Variants in BCAS3 observed in about 807,000 individuals in gnomAD.
The protein encoded by BCAS3 is BCAS3 microtubule associated cell migration factor, also known as BCAS4/BCAS3 fusion.
A neutral mutation model predicts 116.1 loss-of-function variants in BCAS3; 53 were observed. The observed-to-expected ratio is 0.46, with a 90% CI of 0.37 to 0.57. BCAS3 has a LOEUF of 0.57. Among genes scored for constraint, BCAS3 ranks in the 20% least tolerant of loss-of-function variants. BCAS3 has a pLI of 0.00. For missense variants in BCAS3, 917 were observed against 1,165.4 expected, an observed-to-expected ratio of 0.79 and a Z score of 3.10; for synonymous variants, 391 against 408.2, an observed-to-expected ratio of 0.96 and a Z score of 0.51.
At chr17:61,293,642 A>G (rs2052644854) in intron 22 of BCAS3, among the ~76,000 whole-genome samples, 1 of 152,206 alleles carries the variant, frequency 6.6e-6, no homozygotes, top group South Asian at 2.1e-4. Flanking sequence ...CTGTTGCCAT[A>G]TGACCAGGGA....
chr17:60,770,186 G>C (rs531078070), intron 6 of BCAS3, among the ~76,000 whole-genome samples: 2 of 151,988 alleles, frequency 1.3e-5, no homozygotes, highest in Non-Finnish European at 2.9e-5. Context: ...AGTCAGTTCC[G>C]TATGTTAGTC....
At chr17:60,928,461 C>T (rs1362441802) in intron 13 of BCAS3, among the ~76,000 whole-genome samples, 2 of 152,156 alleles carry the variant, frequency 1.3e-5, no homozygotes, top group Non-Finnish European at 2.9e-5. Context: ...AATGTGTTCT[C>T]ATTTCTGCAA....
chr17:61,185,393 T>A (rs1171792432), intron 22 of BCAS3, among the ~76,000 whole-genome samples: 1 of 152,164 alleles, frequency 6.6e-6, no homozygotes, highest in Non-Finnish European at 1.5e-5. Flanking sequence ...TAGTAATAAT[T>A]AAAATTTTTC....
At chr17:61,080,197 A>T (rs1001717900) in intron 21 of BCAS3, among the ~76,000 whole-genome samples, 2 of 151,898 alleles carry the variant, frequency 1.3e-5, no homozygotes, top group African/African-American at 4.8e-5. Context: ...GAGCCACTGC[A>T]CCTGGCCTCA....
chr17:61,032,096 T>G lies in BCAS3; in HGVS notation c.1638-2570T>G, dbSNP rs2066687408. ...TTGACGTCCTCTCATTTTTCTACTT[T>G]TTATTATCATGTTAGAAAGTTTGCC... On this transcript the variant is annotated intron_variant, in intron 16 of 23. Coordinates refer to ENST00000407086, the MANE Select transcript of BCAS3 (RefSeq NM_017679.5). The surrounding 1 kb of genome is among the most constrained non-coding windows in gnomAD (Gnocchi z 4.6). Among the ~76,000 whole-genome samples the G allele has an allele frequency of 6.6e-6, 1 of 152,174 alleles. No homozygotes were observed.
chr17:61,010,062 CTCTG>C (rs2065004524), intron 15 of BCAS3, among the ~76,000 whole-genome samples: 1 of 144,762 alleles, frequency 6.9e-6, no homozygotes, highest in Non-Finnish European at 1.5e-5. Flanking sequence ...AGTTTTCAGA[CTCTG>C]TCTTTTTTTT....
At position 61,346,834 on chromosome 17, in the gene BCAS3, G is replaced by A. The variant is rs2057528906; in HGVS notation, c.2426-21493G>A. Among the ~76,000 whole-genome samples the A allele has an allele frequency of 6.6e-6, 1 of 152,202 alleles. No homozygotes were observed. Among genetic ancestry groups the A allele is most frequent in the Non-Finnish European group, 1.5e-5 (1 of 68,040 alleles). ...ATGTGCTGTGGGGATGTGGTAGAGG[G>A]ACTGGTTCCTCATCCAGGGTGACTC... On this transcript the variant is annotated intron_variant, in intron 22 of 23. Coordinates refer to ENST00000407086, the MANE Select transcript of BCAS3 (RefSeq NM_017679.5). The surrounding 1 kb of genome is among the most constrained non-coding windows in gnomAD (Gnocchi z 5.4).
At position 61,343,072 on chromosome 17, in the gene BCAS3, G is replaced by A. The variant is rs146072569; in HGVS notation, c.2426-25255G>A. The stretch of plus-strand genomic sequence containing the variant: ...CAGCCGAGATTTTCTTTTAAAGGAA[G>A]GTGAGAGAGTAACTTCTTGGCCACC... On this transcript the variant is annotated intron_variant, in intron 22 of 23. Coordinates refer to ENST00000407086, the MANE Select transcript of BCAS3 (RefSeq NM_017679.5). This position sits in a 1 kb window ranked among gnomAD's most constrained non-coding sequence, Gnocchi z 5.5. 1.5e-3 allele frequency among the ~76,000 whole-genome samples: 227 copies of A among 152,278 alleles called. No homozygotes were observed. The highest frequency in any genetic ancestry group is 2.6e-3 in the Admixed American group (40 of 15,302).
intron 14 of BCAS3, among the ~76,000 whole-genome samples, chr17:60,969,447 A>G (rs2061836432): frequency 6.6e-6 from 1 of 152,224 alleles, no homozygotes; most frequent in African/African-American, 2.4e-5. Flanking sequence ...GGATGTGTTA[A>G]TAGCAGAATT....
chr17:60,797,488 A>G (rs577148361), intron 6 of BCAS3, among the ~76,000 whole-genome samples: 5 of 151,974 alleles, frequency 3.3e-5, no homozygotes, highest in Non-Finnish European at 7.4e-5. Flanking sequence ...AGCTGGGACT[A>G]CAGGTGTGTA....
intron 7 of BCAS3, among the ~76,000 whole-genome samples, chr17:60,813,680 GT>G (rs1186134681): frequency 6.6e-6 from 1 of 152,130 alleles, no homozygotes; most frequent in African/African-American, 2.4e-5. Context: ...GTTCCCAATT[GT>G]CGATTTTGTT....
intron 1 of BCAS3, among the ~76,000 whole-genome samples, chr17:60,678,849 A>G (rs1456648535): frequency 6.6e-6 from 1 of 152,146 alleles, no homozygotes; most frequent in Non-Finnish European, 1.5e-5. Flanking sequence ...TCACCCTTGT[A>G]ATTTATGTTA....
chr17:60,763,278 T>G (rs1290625137), intron 6 of BCAS3, among the ~76,000 whole-genome samples: 1 of 152,210 alleles, frequency 6.6e-6, no homozygotes, highest in Admixed American at 6.5e-5. Context: ...TGTGCCAGTT[T>G]TCAAAGGGAA....
At chr17:61,123,500 T>C (rs1333550072) in intron 22 of BCAS3, among the ~76,000 whole-genome samples, 1 of 152,148 alleles carries the variant, frequency 6.6e-6, no homozygotes, top group African/African-American at 2.4e-5. Context: ...AAAGACCCTA[T>C]CTGTTTTTTA....
intron 22 of BCAS3, among the ~76,000 whole-genome samples, chr17:61,153,203 T>C (rs1280337218): frequency 3.9e-5 from 6 of 152,210 alleles, no homozygotes; most frequent in Non-Finnish European, 7.3e-5. Flanking sequence ...TTTTCAACTA[T>C]TGTAACTAAC....
chr17:61,313,634 C>T lies in BCAS3; in HGVS notation c.2426-54693C>T, dbSNP rs2054505994. 6.6e-6 allele frequency among the ~76,000 whole-genome samples: 1 copy of T among 152,204 alleles called. No homozygotes were observed. Among genetic ancestry groups the T allele is most frequent in the African/African-American group, 2.4e-5 (1 of 41,448 alleles). ...ACTCGGGTCCAGCTCGGCGTCCTCCCTCGGGTCCTGCTCGCTGAAGAGGTA... is the reference window on the plus strand; with the variant it reads ...ACTCGGGTCCAGCTCGGCGTCCTCCTTCGGGTCCTGCTCGCTGAAGAGGTA... On this transcript the variant is annotated intron_variant, in intron 22 of 23. Coordinates refer to ENST00000407086, the MANE Select transcript of BCAS3 (RefSeq NM_017679.5). This position sits in a 1 kb window ranked among gnomAD's most constrained non-coding sequence, Gnocchi z 4.3.
Position 61,282,272 on chromosome 17 carries a change from G to T in BCAS3, c.2426-86055G>T, listed in dbSNP as rs1568744920. ...AAAAAGCAAAGCTCATAAATGTGGG[G>T]TTTTCTTTATTGCTTCTTTGGGAAT... On this transcript the variant is annotated intron_variant, in intron 22 of 23. Coordinates refer to ENST00000407086, the MANE Select transcript of BCAS3 (RefSeq NM_017679.5). The surrounding 1 kb of genome is among the most constrained non-coding windows in gnomAD (Gnocchi z 5.9). Among the ~76,000 whole-genome samples the T allele has an allele frequency of 2.0e-5, 3 of 152,160 alleles. No homozygotes were observed. The highest frequency in any genetic ancestry group is 7.2e-5 in the African/African-American group (3 of 41,444).
rs568811619 is a variant in BCAS3 at position 61,279,135 on chromosome 17, C to T, written c.2426-89192C>T. 7.0e-4 allele frequency among the ~76,000 whole-genome samples: 106 copies of T among 151,466 alleles called. No individual in the cohort carries two copies. Among genetic ancestry groups the T allele is most frequent in the African/African-American group, 2.4e-3 (100 of 41,224 alleles). Reference sequence around the variant, plus strand: ...CTAATTTTTGTATCTTTAGTAGAGACGGGGTTTTACTGTGTTGGCCAGGCT... The same window carrying T: ...CTAATTTTTGTATCTTTAGTAGAGATGGGGTTTTACTGTGTTGGCCAGGCT... On this transcript the variant is annotated intron_variant, in intron 22 of 23. Coordinates refer to ENST00000407086, the MANE Select transcript of BCAS3 (RefSeq NM_017679.5). The surrounding 1 kb of genome is among the most constrained non-coding windows in gnomAD (Gnocchi z 4.4).
intron 12 of BCAS3, among the ~76,000 whole-genome samples, chr17:60,918,968 C>T (rs1304940952): frequency 6.6e-6 from 1 of 151,970 alleles, no homozygotes; most frequent in East Asian, 1.9e-4. Flanking sequence ...GCTGGGATTA[C>T]AGGCGTGAGC....
Sources: allele counts gnomAD v4.1 joint callset (sites outside exome capture counted in the v4.1 genomes callset), GRCh38; gene constraint gnomAD v4.1.1; non-coding constraint Gnocchi (gnomAD v3.1); transcripts MANE v1.5; gene names NCBI Gene and HGNC (gene_info 2026-07-23, HGNC 2026-07-21).